Variants in ZFYVE9 observed in about 807,000 individuals in gnomAD.
ZFYVE9 encodes the protein zinc finger FYVE-type containing 9.
In ZFYVE9, 43 loss-of-function variants were observed where a neutral mutation model predicts 126.7. The observed-to-expected ratio is 0.34, with a 90% CI of 0.27 to 0.44. ZFYVE9 has a LOEUF of 0.44. Ranked by LOEUF, ZFYVE9 falls within the 20% of genes least tolerant of loss-of-function variation. ZFYVE9 has a pLI of 1.00. For synonymous variants in ZFYVE9, 521 were observed against 597.4 expected, an observed-to-expected ratio of 0.87 and a Z score of 1.87; for missense variants, 1,476 against 1,697.0, an observed-to-expected ratio of 0.87 and a Z score of 2.29.
intron 1 of ZFYVE9, among the ~76,000 whole-genome samples, chr1:52,202,381 A>G (rs71277360): frequency 6.2e-4 from 94 of 150,568 alleles, no homozygotes; most frequent in African/African-American, 9.4e-4. Flanking sequence ...CCAGGCTCAA[A>G]TGATTCTCCT....
At position 52,263,833 on chromosome 1, in the gene ZFYVE9, G is replaced by A; in HGVS notation, c.2239G>A (p.Ala747Thr). The change falls in exon 5 of 19, where the codon GCT becomes ACT. Residue 747 changes from alanine (A) to threonine (T), a missense_variant. By Grantham distance (58) the Ala-to-Thr change is moderately conservative (BLOSUM62 0). Around this residue, in one of 2 missense-constraint regions of ZFYVE9, gnomAD observed 669 missense variants for 902.4 expected, o/e 0.74. Transcript: ENST00000287727. ...ACTGTTATACATGGACAGAAAGGAA[G>A]CTAGAGTGTGTGTAATCTGCCATTC... ...CKLLYMDRKE[A>T]RVCVICHSVL... The A allele has an allele frequency of 6.4e-7, 1 of 1,568,906 alleles. No individual in the cohort carries two copies. Among genetic ancestry groups the A allele is most frequent in the Non-Finnish European group, 8.7e-7 (1 of 1,155,964 alleles).
chr1:52,176,651 C>G (rs1049158258), intron 1 of ZFYVE9, among the ~76,000 whole-genome samples: 6 of 152,190 alleles, frequency 3.9e-5, no homozygotes, highest in Non-Finnish European at 7.3e-5. Context: ...CCACCCAGTT[C>G]GAGCTTCCCG....
At chr1:52,323,174 C>G (rs552900999) in intron 13 of ZFYVE9, among the ~76,000 whole-genome samples, 65 of 152,280 alleles carry the variant, frequency 4.3e-4, no homozygotes, top group African/African-American at 7.9e-4. Flanking sequence ...CCTCAGTGTT[C>G]CTTGAAATTC....
intron 17 of ZFYVE9, among the ~76,000 whole-genome samples, chr1:52,342,842 C>A (rs1646450964): frequency 6.6e-6 from 1 of 151,302 alleles, no homozygotes; most frequent in South Asian, 2.1e-4. Context: ...TTATATTTTG[C>A]CTTTATATAG....
rs1646469605 is a variant in ZFYVE9 at position 52,344,813 on chromosome 1, C to G, written c.3985C>G (p.Pro1329Ala). The G allele has an allele frequency of 6.2e-7, 1 of 1,614,154 alleles. No individual in the cohort carries two copies. The highest frequency in any genetic ancestry group is 8.5e-7 in the Non-Finnish European group (1 of 1,180,024). ...NDDQHNCLSD[P>A]ADHSRLTEHV... ...TGACCAGCACAATTGCCTCAGTGAT[C>G]CTGCAGATCACAGTAGATTGACTGA... is the stretch of plus-strand genomic sequence containing the variant. The change falls in exon 18 of 19, where the codon CCT becomes GCT. Residue 1329 changes from proline (P) to alanine (A), a missense_variant. Coordinates refer to ENST00000287727, the MANE Select transcript of ZFYVE9 (RefSeq NM_004799.4).
intron 1 of ZFYVE9, among the ~76,000 whole-genome samples, chr1:52,174,678 C>T (rs1258084516): frequency 6.6e-6 from 1 of 151,972 alleles, no homozygotes; most frequent in Non-Finnish European, 1.5e-5. Context: ...CTTTATGAAT[C>T]TGGGTGCTCC....
At chr1:52,299,983 A>G (rs1476600179) in intron 12 of ZFYVE9, among the ~76,000 whole-genome samples, 3 of 152,204 alleles carry the variant, frequency 2.0e-5, no homozygotes, top group African/African-American at 7.2e-5. Context: ...CATGGGGACC[A>G]TGGGTCCCCA....
intron 17 of ZFYVE9, among the ~76,000 whole-genome samples, chr1:52,341,462 T>C (rs1363254165): frequency 1.3e-5 from 2 of 152,206 alleles, no homozygotes; most frequent in African/African-American, 4.8e-5. Context: ...AAGTTTATTC[T>C]CTTCATCCCC....
chr1:52,185,168 A>G (rs1644753575), intron 1 of ZFYVE9, among the ~76,000 whole-genome samples: 1 of 152,216 alleles, frequency 6.6e-6, no homozygotes, highest in Admixed American at 6.5e-5. Context: ...GTGTTCAACA[A>G]TTTAATACCT....
chr1:52,208,602 T>TA (rs1362778995), intron 1 of ZFYVE9, among the ~76,000 whole-genome samples: 1 of 151,908 alleles, frequency 6.6e-6, no homozygotes, highest in Non-Finnish European at 1.5e-5. Context: ...GGCGCAATCT[T>TA]GGCCCACCGC....
intron 17 of ZFYVE9, among the ~76,000 whole-genome samples, chr1:52,341,499 GA>G (rs1001044136): frequency 2.0e-5 from 3 of 152,026 alleles, no homozygotes; most frequent in Admixed American, 1.3e-4. Flanking sequence ...AATAAAATAC[GA>G]AAAAAATTTT....
At position 52,344,791 on chromosome 1, in the gene ZFYVE9, C is replaced by A; in HGVS notation, c.3963C>A (p.Asp1321Glu). The change falls in exon 18 of 19, where the codon GAC becomes GAA. Residue 1321 changes from aspartate to glutamate, a missense_variant. By Grantham distance (45) the Asp-to-Glu change is conservative. This residue lies in a region of ZFYVE9 where 669 missense variants were observed against 902.4 expected (regional missense o/e 0.74). Coordinates refer to ENST00000287727, the MANE Select transcript of ZFYVE9 (RefSeq NM_004799.4). ...WTEVFFLEND[D>E]QHNCLSDPAD... ...AGGTGTTTTTCCTAGAAAACGATGA[C>A]CAGCACAATTGCCTCAGTGATCCTG... 15 of 1,613,998 alleles carry A rather than the reference C, an allele frequency of 9.3e-6. No homozygotes were observed. The highest frequency in any genetic ancestry group is 1.3e-5 in the Non-Finnish European group (15 of 1,179,924).
chr1:52,305,470 G>A (rs1383683077), intron 13 of ZFYVE9, among the ~76,000 whole-genome samples: 1 of 152,164 alleles, frequency 6.6e-6, no homozygotes, highest in Admixed American at 6.5e-5. Flanking sequence ...TGCTTTCGGA[G>A]CGTTTGCTGT....
At chr1:52,345,809 C>T in intron 18 of ZFYVE9, 1 of 355,804 alleles carries the variant, frequency 2.8e-6, no homozygotes, top group Non-Finnish European at 5.1e-6. Context: ...ACACCTCTAC[C>T]CTTCCCCAGA....
chr1:52,325,531 A>G (rs915020549), intron 13 of ZFYVE9, among the ~76,000 whole-genome samples: 2 of 152,142 alleles, frequency 1.3e-5, no homozygotes, highest in Non-Finnish European at 2.9e-5. Context: ...AAATAAAAAC[A>G]AAAACAGAAA....
intron 17 of ZFYVE9, among the ~76,000 whole-genome samples, chr1:52,342,305 G>A (rs1465687786): frequency 1.2e-4 from 16 of 134,534 alleles, no homozygotes; most frequent in African/African-American, 4.4e-4. Flanking sequence ...TCGCTCTGTC[G>A]CCCAGACGGC....
chr1:52,181,560 G>A (rs1644703875), intron 1 of ZFYVE9, among the ~76,000 whole-genome samples: 1 of 151,874 alleles, frequency 6.6e-6, no homozygotes, highest in African/African-American at 2.4e-5. Flanking sequence ...TGGGATGTGA[G>A]GAGCCCCTCT....
At chr1:52,336,359 GTTTTTTTTGTTT>G (rs1646388599) in intron 15 of ZFYVE9, among the ~76,000 whole-genome samples, 4 of 95,016 alleles carry the variant, frequency 4.2e-5, no homozygotes, top group East Asian at 3.8e-4. Flanking sequence ...AATCTAAGAG[GTTTTTTTTGTTT>G]TTTTTTTTTT....
intron 4 of ZFYVE9, among the ~76,000 whole-genome samples, chr1:52,249,014 G>A (rs2124643628): frequency 6.6e-6 from 1 of 152,330 alleles, no homozygotes; most frequent in East Asian, 1.9e-4. Flanking sequence ...AGTGGGGGCA[G>A]ATTTCCCCCT....
Sources: gnomAD v4.1 joint callset for allele counts (sites outside exome capture counted in the v4.1 genomes callset) on GRCh38, gnomAD v4.1.1 for gene constraint, gnomAD v4.1.1 regional missense constraint, MANE v1.5 for transcripts, NCBI Gene and HGNC (gene_info 2026-07-23, HGNC 2026-07-21) for gene names.